The following BBOX1 variants were observed in gnomAD, a reference collection of about 807,000 sequenced individuals.
BBOX1 encodes gamma-butyrobetaine hydroxylase 1.
BBOX1 carries 35 observed loss-of-function variants against 41.6 expected under a neutral mutation model. The ratio of observed to expected loss-of-function variants is 0.84; its 90% CI spans 0.64 to 1.11. BBOX1 has a LOEUF of 1.11. Among genes scored for constraint, BBOX1 ranks in the 50% most tolerant of loss-of-function variants. The pLI is 0.00. For missense variants in BBOX1, 458 were observed against 460.6 expected (o/e 0.99, Z 0.05); for synonymous variants, 163 against 154.7 (o/e 1.05, Z -0.40).
chr11:27,056,768 T>C (rs1189900181), intron 3 of BBOX1, among the ~76,000 whole-genome samples: 1 of 151,896 alleles, frequency 6.6e-6, no homozygotes, highest in African/African-American at 2.4e-5. Flanking sequence ...GCTTAATCTC[T>C]GTCTTAAAAA....
intron 4 of BBOX1, among the ~76,000 whole-genome samples, chr11:27,067,680 G>C (rs1398585256): frequency 7.3e-6 from 1 of 137,394 alleles, no homozygotes; most frequent in East Asian, 2.3e-4. Flanking sequence ...AGAATTGCTT[G>C]AACCCAGGAA....
intron 5 of BBOX1, among the ~76,000 whole-genome samples, chr11:27,096,276 T>C (rs1017163184): frequency 3.3e-5 from 5 of 152,080 alleles, no homozygotes; most frequent in Admixed American, 3.3e-4. Context: ...CCTTAAACAA[T>C]GTCCCTCCCT....
At chr11:27,046,794 T>TC (rs1260556432) in intron 2 of BBOX1, among the ~76,000 whole-genome samples, 1 of 152,118 alleles carries the variant, frequency 6.6e-6, no homozygotes, top group East Asian at 1.9e-4. Context: ...CTATGGTGCT[T>TC]CAACTGAGCT....
chr11:27,055,471 C>A lies in BBOX1; in HGVS notation c.41C>A (p.Ala14Asp). ...CAAAAGGCAGAAGCACTTGACGGGG[C>A]TCATTTGATGCAGATCCTCTGGTAT... The part of the protein sequence containing the change: ...TIQKAEALDG[A>D]HLMQILWYDE... Residue 14 changes from alanine (A) to aspartate (D), a missense_variant, in exon 3 of 9, where the codon GCT becomes GAT. Physicochemically the swap from Ala to Asp is moderately radical, Grantham distance 126. Transcript: ENST00000263182. 5 of 1,614,084 alleles carry A rather than the reference C, an allele frequency of 3.1e-6. No individual in the cohort carries two copies. The highest frequency in any genetic ancestry group is 4.2e-6 in the Non-Finnish European group (5 of 1,180,044).
In BBOX1 at chr11:27,119,647, AG is replaced by A. The variant is rs769654730; in HGVS notation, c.640del. On this transcript the variant is annotated splice_acceptor_variant, in intron 6 of 8. Coordinates refer to ENST00000263182, the MANE Select transcript of BBOX1 (RefSeq NM_003986.3). LOFTEE classifies it high-confidence loss of function. Reference sequence around the variant, plus strand: ...TTAATAATGCATATTTTCTTTTTATAGGTTCAGCTTCTTCACTGCATAAAGC... The same window carrying A: ...TTAATAATGCATATTTTCTTTTTATAGTTCAGCTTCTTCACTGCATAAAGC... The A allele has an allele frequency of 1.8e-5, 25 of 1,384,548 alleles. No homozygotes were observed. The Admixed American group carries it at 5.4e-4, about 30-fold the overall frequency. The allele number at this position is 1,384,548 out of a possible 1,614,324, so 85.8% of individuals were successfully genotyped here.
chr11:27,044,897 G>T (rs1247643768), intron 2 of BBOX1, among the ~76,000 whole-genome samples: 2 of 152,096 alleles, frequency 1.3e-5, no homozygotes, highest in African/African-American at 4.8e-5. Context: ...GCTTAGGATT[G>T]TCTTGGCTAT....
intron 2 of BBOX1, among the ~76,000 whole-genome samples, chr11:27,048,366 T>A (rs1851557872): frequency 6.6e-6 from 1 of 152,140 alleles, no homozygotes; most frequent in African/African-American, 2.4e-5. Flanking sequence ...TTTGTCTTTC[T>A]GTGCCTGACT....
intron 4 of BBOX1, among the ~76,000 whole-genome samples, chr11:27,089,505 C>A (rs1375444983): frequency 6.6e-6 from 1 of 152,028 alleles, no homozygotes; most frequent in Non-Finnish European, 1.5e-5. Flanking sequence ...TAATTCCATA[C>A]AACAGTCTAC....
chr11:27,087,237 T>C (rs1212548742), intron 4 of BBOX1, among the ~76,000 whole-genome samples: 1 of 152,192 alleles, frequency 6.6e-6, no homozygotes, highest in South Asian at 2.1e-4. Flanking sequence ...CAGCATCACA[T>C]ACTACAAAGA....
chr11:27,084,932 T>A (rs1372910), intron 4 of BBOX1, among the ~76,000 whole-genome samples: 126,256 of 152,094 alleles, frequency 0.83, 53,279 homozygotes, highest in East Asian at 0.94. Context: ...GGAAGGGTGG[T>A]TCATATCTTA....
At chr11:27,068,372 T>C (rs917082631) in intron 4 of BBOX1, among the ~76,000 whole-genome samples, 55 of 152,314 alleles carry the variant, frequency 3.6e-4, no homozygotes, top group African/African-American at 1.3e-3. Context: ...GTACATCTTC[T>C]TTTGAGAAAT....
At chr11:27,043,225 G>A (rs534494808) in intron 2 of BBOX1, among the ~76,000 whole-genome samples, 5 of 152,000 alleles carry the variant, frequency 3.3e-5, no homozygotes, top group African/African-American at 9.6e-5. Flanking sequence ...CACCACGCCC[G>A]GCTAACTTTT....
intron 4 of BBOX1, among the ~76,000 whole-genome samples, chr11:27,077,444 C>G (rs183886193): frequency 1.6e-4 from 24 of 152,194 alleles, no homozygotes; most frequent in Admixed American, 4.6e-4. Flanking sequence ...ACCTGGCTTA[C>G]AGTGAAGACT....
chr11:27,060,929 G>A (rs901401948), intron 4 of BBOX1, among the ~76,000 whole-genome samples: 16 of 152,154 alleles, frequency 1.1e-4, no homozygotes, highest in African/African-American at 3.9e-4. Context: ...TGAGTGCATT[G>A]CTAAATTCTT....
chr11:27,085,115 T>C (rs1167128687), intron 4 of BBOX1, among the ~76,000 whole-genome samples: 1 of 152,146 alleles, frequency 6.6e-6, no homozygotes, highest in Non-Finnish European at 1.5e-5. Flanking sequence ...TCCTTTTAAA[T>C]TACTCTTTCA....
At position 27,076,877 on chromosome 11, in the gene BBOX1, C is replaced by G. The variant is rs375381738; in HGVS notation, c.335-16291C>G. Among the ~76,000 whole-genome samples, 7 of 152,238 alleles carry G rather than the reference C, an allele frequency of 4.6e-5. No individual in the cohort carries two copies. The East Asian group carries it at 9.7e-4, about 21-fold the overall frequency. On this transcript the variant is annotated intron_variant, in intron 4 of 8. Coordinates refer to ENST00000263182, the MANE Select transcript of BBOX1 (RefSeq NM_003986.3). Reference sequence around the variant, plus strand: ...GTAGCAGGTGGCAATAAGCCCCACTCAGCTCCCATTCACTTGGCAAGGCAG... The same window carrying G: ...GTAGCAGGTGGCAATAAGCCCCACTGAGCTCCCATTCACTTGGCAAGGCAG...
chr11:27,080,444 A>G (rs897684867), intron 4 of BBOX1, among the ~76,000 whole-genome samples: 3 of 152,086 alleles, frequency 2.0e-5, no homozygotes, highest in Non-Finnish European at 4.4e-5. Context: ...GGCACTTTCC[A>G]TGGATTGTTC....
chr11:27,063,672 G>T (rs77123306), intron 4 of BBOX1, among the ~76,000 whole-genome samples: 14 of 139,486 alleles, frequency 1.0e-4, no homozygotes, highest in Non-Finnish European at 1.7e-4. Flanking sequence ...AAAAAAAAAA[G>T]AATATTTCCC....
intron 3 of BBOX1, among the ~76,000 whole-genome samples, 153 bp from the exon 4 acceptor site, chr11:27,057,048 G>C (rs1207540232): frequency 1.8e-5 from 1 of 56,680 alleles, no homozygotes; most frequent in Non-Finnish European, 3.3e-5. Flanking sequence ...CCTGGCAACA[G>C]AGGAAGACTC....
Sources: allele counts gnomAD v4.1 joint callset (sites outside exome capture counted in the v4.1 genomes callset), GRCh38; gene constraint gnomAD v4.1.1; transcripts MANE v1.5; gene names NCBI Gene and HGNC (gene_info 2026-07-23, HGNC 2026-07-21).